NAA25: variants seen among roughly 807,000 people sequenced by gnomAD.
NAA25 encodes N-alpha-acetyltransferase 25, NatB auxiliary subunit, also known as N-terminal acetyltransferase B complex subunit NAA25.
NAA25 carries 30 observed loss-of-function variants against 132.5 expected under a neutral mutation model. The observed-to-expected ratio is 0.23, with a 90% confidence interval of 0.17 to 0.31. The LOEUF is 0.31. Among genes scored for constraint, NAA25 ranks in the 10% least tolerant of loss-of-function variants. NAA25 has a pLI of 1.00. For missense variants in NAA25, 771 were observed against 1,150.4 expected (o/e 0.67, Z 4.77); for synonymous variants, 359 against 401.9 (o/e 0.89, Z 1.28).
intron 17 of NAA25, among the ~76,000 whole-genome samples, chr12:112,044,307 C>T (rs994342474): frequency 6.6e-6 from 1 of 152,056 alleles, no homozygotes; most frequent in African/African-American, 2.4e-5. Flanking sequence ...AGCTGAATGA[C>T]CTAAGACAAG....
intron 7 of NAA25, among the ~76,000 whole-genome samples, chr12:112,077,919 A>G (rs1329483008): frequency 2.0e-5 from 3 of 152,106 alleles, no homozygotes; most frequent in African/African-American, 4.8e-5. Flanking sequence ...ACAAGAATAT[A>G]AAGTGTAACT....
At chr12:112,053,202 G>T (rs1159696196) in intron 15 of NAA25, among the ~76,000 whole-genome samples, 1 of 152,222 alleles carries the variant, frequency 6.6e-6, no homozygotes, top group African/African-American at 2.4e-5. Context: ...AGCTGCTATT[G>T]CAGGATGTTA....
chr12:112,092,130 A>G (rs2079140259), intron 2 of NAA25, among the ~76,000 whole-genome samples: 2 of 152,084 alleles, frequency 1.3e-5, no homozygotes, highest in South Asian at 4.1e-4. Context: ...AGTCCCAGCT[A>G]CTCAGGAGGC....
intron 13 of NAA25, 97 bp from the exon 14 acceptor site, chr12:112,054,665 C>CA (rs1053310513): frequency 2.7e-6 from 3 of 1,104,604 alleles, no homozygotes; most frequent in Admixed American, 2.8e-5. Flanking sequence ...TCACCCCCCC[C>CA]AATAAATGAA....
At chr12:112,092,191 A>G (rs1367793197) in intron 2 of NAA25, among the ~76,000 whole-genome samples, 1 of 151,748 alleles carries the variant, frequency 6.6e-6, no homozygotes, top group East Asian at 2.0e-4. Flanking sequence ...CAGTGAGCCA[A>G]TATCGTGCCA....
chr12:112,081,977 G>A (rs1404756194), intron 4 of NAA25, among the ~76,000 whole-genome samples: 8 of 152,226 alleles, frequency 5.3e-5, no homozygotes, highest in South Asian at 2.1e-4. Context: ...TGGGCCAGGC[G>A]CAATGGCTCA....
intron 7 of NAA25, among the ~76,000 whole-genome samples, chr12:112,077,084 T>C (rs1468179815): frequency 6.6e-6 from 1 of 152,092 alleles, no homozygotes; most frequent in Non-Finnish European, 1.5e-5. Context: ...AATTTCTACA[T>C]TCACACTGTG....
chr12:112,045,186 A>G (rs575499943), intron 17 of NAA25, among the ~76,000 whole-genome samples: 32 of 152,344 alleles, frequency 2.1e-4, no homozygotes, highest in African/African-American at 7.7e-4. Flanking sequence ...GATGTATAAA[A>G]GTCTAACTAA....
chr12:112,078,311 T>C, intron 6 of NAA25, 45 bp from the exon 7 acceptor site: 1 of 1,358,432 alleles, frequency 7.4e-7, no homozygotes, highest in Non-Finnish European at 1.0e-6. Context: ...AACTTTTCAA[T>C]AATAAAAAGA....
At chr12:112,090,569 C>G (rs1336440768) in intron 3 of NAA25, 157 bp downstream of exon 3, 4 of 596,590 alleles carry the variant, frequency 6.7e-6, no homozygotes, top group African/African-American at 1.9e-5. Flanking sequence ...TGTAAACTAT[C>G]CTTTCTATCT....
chr12:112,042,259 A>G (rs2078310526), intron 19 of NAA25, 155 bp from the exon 20 acceptor site: 1 of 364,572 alleles, frequency 2.7e-6, no homozygotes, highest in Admixed American at 4.9e-5. Context: ...CAAAAAGAAA[A>G]TGATAATGAA....
At chr12:112,053,277 G>C (rs868154274) in intron 15 of NAA25, among the ~76,000 whole-genome samples, 1 of 152,166 alleles carries the variant, frequency 6.6e-6, no homozygotes, top group Admixed American at 6.5e-5. Flanking sequence ...GTCTCTTAGA[G>C]ATTAAAAGCC....
intron 8 of NAA25, among the ~76,000 whole-genome samples, chr12:112,075,012 A>G (rs1022910991): frequency 6.6e-6 from 1 of 152,184 alleles, no homozygotes; most frequent in African/African-American, 2.4e-5. Flanking sequence ...GAAAACTAAT[A>G]TTCATAACAG....
At position 112,043,197 on chromosome 12, in the gene NAA25, A is replaced by C. The variant is rs1272943686; in HGVS notation, c.2265T>G (p.Gly755=). The C allele has an allele frequency of 6.3e-7, 1 of 1,599,364 alleles. No homozygotes were observed. Among genetic ancestry groups the C allele is most frequent in the Non-Finnish European group, 8.5e-7 (1 of 1,173,382 alleles). The change falls in exon 19 of 24, where the codon GGT becomes GGG. Residue 755 remains glycine (G), a synonymous_variant. Coordinates refer to ENST00000261745, the MANE Select transcript of NAA25 (RefSeq NM_024953.4). ...ATCCACCCATTCTGGTAGGTACAGG[A>C]CCAAGGAAAGGATACTGGAAAAAAG... The part of the protein sequence containing the change: ...IEKDIQYPFL[G]PVPTRMGGFF...
chr12:112,039,109 T>G, intron 22 of NAA25, 120 bp downstream of exon 22: 4 of 497,934 alleles, frequency 8.0e-6, no homozygotes, highest in East Asian at 3.4e-5. Context: ...TCGTGGGCCA[T>G]GGGTTGGAGA....
chr12:112,054,602 T>G lies in NAA25; in HGVS notation c.1448-34A>C, dbSNP rs775251474. On this transcript the variant is annotated intron_variant, in intron 13 of 23. Transcript: ENST00000261745. ...AAAATACAGCATTATCCACTGATCTTGACAGCAAATGAAAGCTTCCCAAAA... is the reference window on the plus strand; with the variant it reads ...AAAATACAGCATTATCCACTGATCTGGACAGCAAATGAAAGCTTCCCAAAA... 17 of 1,572,364 alleles carry G rather than the reference T, an allele frequency of 1.1e-5. No homozygotes were observed. In the South Asian group the frequency reaches 2.0e-4, roughly 18 times the overall value.
intron 22 of NAA25, among the ~76,000 whole-genome samples, chr12:112,036,173 A>C (rs2078221945): frequency 6.6e-6 from 1 of 152,218 alleles, no homozygotes; most frequent in Non-Finnish European, 1.5e-5. Flanking sequence ...ATCAATAAAG[A>C]TGGGGAGAGC....
intron 1 of NAA25, among the ~76,000 whole-genome samples, chr12:112,100,006 G>A (rs1239879153): frequency 1.3e-5 from 2 of 152,180 alleles, no homozygotes; most frequent in Non-Finnish European, 2.9e-5. Context: ...AAAAGTTGGA[G>A]AATAGGAGCC....
At chr12:112,073,865 G>A (rs567489433) in intron 9 of NAA25, among the ~76,000 whole-genome samples, 1 of 152,104 alleles carries the variant, frequency 6.6e-6, no homozygotes, top group South Asian at 2.1e-4. Context: ...TCATCAATAG[G>A]GAAAATGCTA....
Sources: gnomAD v4.1 joint callset for allele counts (sites outside exome capture counted in the v4.1 genomes callset) on GRCh38, gnomAD v4.1.1 for gene constraint, MANE v1.5 for transcripts, NCBI Gene and HGNC (gene_info 2026-07-23, HGNC 2026-07-21) for gene names.